ENOX1: variants seen among roughly 807,000 people sequenced by gnomAD.
The protein encoded by ENOX1 is ecto-NOX disulfide-thiol exchanger 1.
Under a neutral mutation model 82.5 loss-of-function variants are expected in ENOX1, and 42 were observed. That is an observed-to-expected ratio of 0.51 (90% CI 0.40 to 0.66). The LOEUF is 0.66. Among genes scored for constraint, ENOX1 ranks in the 30% least tolerant of loss-of-function variants. The pLI, the probability that ENOX1 is intolerant of heterozygous loss-of-function variation, is 0.00. For missense variants in ENOX1, 608 were observed against 811.6 expected (o/e 0.75, Z 3.05); for synonymous variants, 271 against 282.2 (o/e 0.96, Z 0.40).
intron 3 of ENOX1, among the ~76,000 whole-genome samples, chr13:43,420,348 T>C (rs2054901120): frequency 6.6e-6 from 1 of 152,210 alleles, no homozygotes. Flanking sequence ...GAGGAACAAC[T>C]AAAAATCTTA....
At chr13:43,328,994 C>T (rs1426008940) in intron 9 of ENOX1, among the ~76,000 whole-genome samples, 1 of 152,192 alleles carries the variant, frequency 6.6e-6, no homozygotes, top group Non-Finnish European at 1.5e-5. Context: ...CAGATGACAG[C>T]TTTGAAGACA....
intron 2 of ENOX1, among the ~76,000 whole-genome samples, chr13:43,632,692 C>T (rs950202092): frequency 2.0e-5 from 3 of 152,168 alleles, no homozygotes; most frequent in Non-Finnish European, 4.4e-5. Context: ...GGTGATCCAC[C>T]TGCCTCGGCT....
chr13:43,676,535 T>C (rs1191186170), intron 1 of ENOX1, among the ~76,000 whole-genome samples: 1 of 152,154 alleles, frequency 6.6e-6, no homozygotes. Flanking sequence ...TCCCTGTGAG[T>C]CATACATTTT....
chr13:43,285,503 T>C (rs952072117), intron 12 of ENOX1, among the ~76,000 whole-genome samples: 2 of 151,856 alleles, frequency 1.3e-5, no homozygotes, highest in Non-Finnish European at 2.9e-5. Context: ...CCAGGAAAAC[T>C]GCTACTCCCA....
At chr13:43,685,103 T>A (rs2085997366) in intron 1 of ENOX1, among the ~76,000 whole-genome samples, 1 of 152,166 alleles carries the variant, frequency 6.6e-6, no homozygotes, top group South Asian at 2.1e-4. Context: ...TGCTCTACAA[T>A]GCTTGCTTTA....
chr13:43,316,527 C>G (rs1297817178), intron 11 of ENOX1, among the ~76,000 whole-genome samples: 1 of 151,998 alleles, frequency 6.6e-6, no homozygotes, highest in Non-Finnish European at 1.5e-5. Flanking sequence ...CAAACACAGT[C>G]TGGTTGGGCA....
chr13:43,387,121 G>A (rs1466618614), intron 5 of ENOX1, among the ~76,000 whole-genome samples: 3 of 152,178 alleles, frequency 2.0e-5, no homozygotes, highest in African/African-American at 7.2e-5. Flanking sequence ...ACTTTGAACA[G>A]GACAGACTTG....
chr13:43,494,008 C>T (rs1422825604), intron 2 of ENOX1, among the ~76,000 whole-genome samples: 1 of 152,086 alleles, frequency 6.6e-6, no homozygotes, highest in Admixed American at 6.6e-5. Flanking sequence ...GGAGGAACTA[C>T]CAAATACTTA....
chr13:43,352,136 A>G (rs9525760), intron 8 of ENOX1, among the ~76,000 whole-genome samples: 147,924 of 152,254 alleles, frequency 0.97, 71,977 homozygotes, highest in East Asian at 1. Flanking sequence ...GGCTGACATG[A>G]GGCTATTCTA....
intron 15 of ENOX1, among the ~76,000 whole-genome samples, chr13:43,236,068 C>G (rs2042535036): frequency 6.6e-6 from 1 of 152,188 alleles, no homozygotes; most frequent in Admixed American, 6.5e-5. Context: ...AGTAAGACAT[C>G]TGGATCCACT....
intron 1 of ENOX1, among the ~76,000 whole-genome samples, chr13:43,751,607 T>C (rs1950325118): frequency 6.6e-6 from 1 of 152,196 alleles, no homozygotes. Context: ...TTTCTGGAGT[T>C]TGAAATATAG....
At chr13:43,238,827 A>G (rs2153460409) in intron 14 of ENOX1, among the ~76,000 whole-genome samples, 1 of 152,200 alleles carries the variant, frequency 6.6e-6, no homozygotes, top group East Asian at 1.9e-4. Flanking sequence ...GCCCACATTA[A>G]TTGCCAAGAC....
At chr13:43,566,516 T>C (rs17064719) in intron 2 of ENOX1, among the ~76,000 whole-genome samples, 4,863 of 152,146 alleles carry the variant, frequency 0.032, 249 homozygotes, top group African/African-American at 0.11. Context: ...GTTTGGAATA[T>C]ACAAATTGTT....
chr13:43,310,116 T>A (rs9533449), intron 11 of ENOX1, among the ~76,000 whole-genome samples: 143,169 of 150,008 alleles, frequency 0.95, 68,695 homozygotes, highest in East Asian at 1. Flanking sequence ...GGCAGGAGAA[T>A]CGCTTGAACC....
rs557116330 is a variant in ENOX1 at position 43,667,403 on chromosome 13, T to C, written c.-219+76A>G. ...ACATTAGAGAATGATGCCAGAGGTA[T>C]AATTAAACTACATCCCTTCCCATAT... On this transcript the variant is annotated intron_variant, in intron 2 of 16. Coordinates refer to ENST00000690772, the MANE Select transcript of ENOX1 (RefSeq NM_001347969.2). 3.8e-5 allele frequency: 35 copies of C among 921,450 alleles called. No individual in the cohort carries two copies. In the African/African-American group the frequency reaches 6.1e-4, roughly 16 times the overall value. 57.1% of individuals were successfully genotyped at this position (921,450 alleles called of 1,614,324 possible).
At chr13:43,387,078 A>T (rs1370963670) in intron 5 of ENOX1, among the ~76,000 whole-genome samples, 1 of 152,224 alleles carries the variant, frequency 6.6e-6, no homozygotes, top group African/African-American at 2.4e-5. Flanking sequence ...TACCTTCCAT[A>T]TGCCAGGCAT....
chr13:43,316,650 A>G (rs1187695074), intron 11 of ENOX1, among the ~76,000 whole-genome samples: 1 of 151,416 alleles, frequency 6.6e-6, no homozygotes, highest in Non-Finnish European at 1.5e-5. Context: ...AAAATTCTAC[A>G]CTTTTCAGAA....
intron 14 of ENOX1, among the ~76,000 whole-genome samples, chr13:43,253,367 C>A (rs543006322): frequency 6.6e-6 from 1 of 152,280 alleles, no homozygotes; most frequent in East Asian, 1.9e-4. Flanking sequence ...ATGCCACATC[C>A]CAGTGAGCTA....
At chr13:43,711,346 G>C (rs2087697519) in intron 1 of ENOX1, among the ~76,000 whole-genome samples, 1 of 152,034 alleles carries the variant, frequency 6.6e-6, no homozygotes, top group African/African-American at 2.4e-5. Context: ...TTGGTTCCAA[G>C]TCTTTGCTAT....
Sources: allele counts gnomAD v4.1 joint callset (sites outside exome capture counted in the v4.1 genomes callset), GRCh38; gene constraint gnomAD v4.1.1; transcripts MANE v1.5; gene names NCBI Gene and HGNC (gene_info 2026-07-23, HGNC 2026-07-21).